Variants in DMD observed in about 807,000 individuals in gnomAD.
The protein encoded by DMD is mutant dystrophin.
Under a neutral mutation model 330.1 loss-of-function variants are expected in DMD, and 63 were observed. The observed-to-expected ratio is 0.19, with a 90% CI of 0.16 to 0.24. DMD has a LOEUF of 0.24. Ranked by LOEUF, DMD falls within the 10% of genes least tolerant of loss-of-function variation. The probability of loss-of-function intolerance (pLI) is 1.00; values close to 1 mark genes in which losing one functional copy is unlikely to be tolerated. For synonymous variants in DMD, 1,223 were observed against 959.8 expected, an observed-to-expected ratio of 1.27 and a Z score of -5.07; for missense variants, 3,344 against 2,684.1, an observed-to-expected ratio of 1.25 and a Z score of -5.43.
chrX:32,698,413 C>A (rs1401775093), intron 8 of DMD, among the ~76,000 whole-genome samples: 1 of 111,734 alleles, frequency 8.9e-6, no homozygotes, highest in Non-Finnish European at 1.9e-5. Context: ...AGAGCTAGCT[C>A]AGCAAAGTGA....
chrX:32,786,243 G>A (rs2075351604), intron 7 of DMD, among the ~76,000 whole-genome samples: 1 of 110,323 alleles, frequency 9.1e-6, no homozygotes, highest in African/African-American at 3.3e-5. Flanking sequence ...TTTTTATTTA[G>A]ACTTTCTCAG....
In DMD at chrX:32,899,673, C is replaced by CAA. The variant is rs755390925; in HGVS notation, c.94-49855_94-49854dup. Among the ~76,000 whole-genome samples, 226 of 42,620 alleles carry CAA rather than the reference C, an allele frequency of 5.3e-3. 6 individuals carry two copies. Among genetic ancestry groups the CAA allele is most frequent in the African/African-American group, 0.015 (179 of 11,697 alleles). 37.0% of individuals were successfully genotyped at this position (42,620 alleles called of 115,157 possible). On this transcript the variant is annotated intron_variant, in intron 2 of 78. Coordinates refer to ENST00000357033, the MANE Select transcript of DMD (RefSeq NM_004006.3). ...TGGACAACAGAGCAAGACTCCGTCTCAAAAAAAAAAAAAAAAGAAAGAAAA... is the reference window on the plus strand; with the variant it reads ...TGGACAACAGAGCAAGACTCCGTCTCAAAAAAAAAAAAAAAAAAGAAAGAAAA...
chrX:32,866,731 GGGT>G (rs2082522785), intron 2 of DMD, among the ~76,000 whole-genome samples: 1 of 33,377 alleles, frequency 3.0e-5, no homozygotes, highest in African/African-American at 1.1e-4. Flanking sequence ...TTTTGGGGGG[GGGT>G]GGGGGGGTGG....
chrX:31,849,948 A>T (rs2093493415), intron 48 of DMD, among the ~76,000 whole-genome samples: 1 of 111,078 alleles, frequency 9.0e-6, no homozygotes, highest in Non-Finnish European at 1.9e-5. Flanking sequence ...TTACATAGGT[A>T]AACTTGTGTC....
intron 45 of DMD, among the ~76,000 whole-genome samples, chrX:31,966,038 C>T (rs1193805272): frequency 9.0e-6 from 1 of 111,347 alleles, no homozygotes; most frequent in Non-Finnish European, 1.9e-5. Flanking sequence ...TCATTGATGT[C>T]CCTGGACTAA....
intron 57 of DMD, among the ~76,000 whole-genome samples, chrX:31,488,898 C>T (rs759191855): frequency 4.3e-4 from 48 of 111,774 alleles, no homozygotes; most frequent in Middle Eastern, 4.2e-3. Context: ...TGTCTCTTTA[C>T]TCACAGAATA....
At position 32,122,429 on chromosome X, in the gene DMD, A is replaced by G. The variant is rs975595424; in HGVS notation, c.6438+94487T>C. On this transcript the variant is annotated intron_variant, in intron 44 of 78. Coordinates refer to ENST00000357033, the MANE Select transcript of DMD (RefSeq NM_004006.3). ...GACTTTGGTATAATTACCAGTCACAATCTAGGTCTTCACACACAGACACTG... is the reference window on the plus strand; with the variant it reads ...GACTTTGGTATAATTACCAGTCACAGTCTAGGTCTTCACACACAGACACTG... Among the ~76,000 whole-genome samples the G allele has an allele frequency of 6.3e-5, 7 of 111,893 alleles. No individual in the cohort carries two copies. The South Asian group carries it at 2.6e-3, about 41-fold the overall frequency.
At chrX:32,438,097 T>A (rs368961992) in intron 29 of DMD, 144 bp downstream of exon 29, 2 of 606,083 alleles carry the variant, frequency 3.3e-6, no homozygotes. Context: ...TGTAAAGAAT[T>A]TACCCAGTGT....
At chrX:31,143,491 G>A (rs987704544) in intron 76 of DMD, among the ~76,000 whole-genome samples, 2 of 111,842 alleles carry the variant, frequency 1.8e-5, no homozygotes, top group African/African-American at 6.5e-5. Flanking sequence ...GTTCTTTATA[G>A]CAGTGTGAAA....
chrX:32,215,691 A>G lies in DMD; in HGVS notation c.6438+1225T>C, dbSNP rs1012963348. The stretch of plus-strand genomic sequence containing the variant: ...CTATATCTACCCCAAAACATTTTAT[A>G]TAACTCTAATATGTTTCTGCCTCTC... On this transcript the variant is annotated intron_variant, in intron 44 of 78. Coordinates refer to ENST00000357033, the MANE Select transcript of DMD (RefSeq NM_004006.3). Among the ~76,000 whole-genome samples the G allele has an allele frequency of 8.0e-5, 9 of 111,842 alleles. No homozygotes were observed. The South Asian group carries it at 3.3e-3, about 41-fold the overall frequency.
chrX:32,816,714 T>C, intron 5 of DMD, 74 bp from the exon 6 acceptor site: 1 of 1,009,965 alleles, frequency 9.9e-7, no homozygotes, highest in Admixed American at 2.2e-5. Flanking sequence ...AATATGAATG[T>C]CCTTGATCTT....
chrX:31,565,863 A>C (rs1197165712), intron 55 of DMD, among the ~76,000 whole-genome samples: 1 of 112,363 alleles, frequency 8.9e-6, no homozygotes, highest in East Asian at 2.8e-4. Flanking sequence ...CTAATGGCTA[A>C]TGTTTTTGAT....
chrX:32,689,888 G>T (rs1414728990), intron 9 of DMD, among the ~76,000 whole-genome samples: 2 of 110,282 alleles, frequency 1.8e-5, no homozygotes, highest in Non-Finnish European at 3.8e-5. Flanking sequence ...CAACAAACTA[G>T]GAATAGAAGG....
intron 13 of DMD, among the ~76,000 whole-genome samples, chrX:32,593,251 T>A (rs2055140240): frequency 8.9e-6 from 1 of 112,782 alleles, no homozygotes; most frequent in African/African-American, 3.2e-5. Flanking sequence ...CTCCAATGTA[T>A]GATTTAGATC....
intron 2 of DMD, among the ~76,000 whole-genome samples, chrX:32,879,415 C>T (rs1252477844): frequency 1.8e-5 from 2 of 111,920 alleles, no homozygotes; most frequent in Non-Finnish European, 3.8e-5. Context: ...GTTAGACAAC[C>T]TCTGCTATGC....
chrX:32,000,432 C>T (rs186078054), intron 44 of DMD, among the ~76,000 whole-genome samples: 9 of 111,687 alleles, frequency 8.1e-5, no homozygotes, highest in African/African-American at 9.7e-5. Context: ...TAGGTCCCAT[C>T]GAAAATTGCC....
At chrX:31,883,806 C>T (rs953966106) in intron 47 of DMD, among the ~76,000 whole-genome samples, 3 of 110,025 alleles carry the variant, frequency 2.7e-5, no homozygotes, top group South Asian at 3.8e-4. Context: ...GCATATTTTA[C>T]ATATCAGTAT....
intron 60 of DMD, among the ~76,000 whole-genome samples, chrX:31,394,964 C>CGAGAGAGAGAGAGAGAGAGA (rs2060856321): frequency 2.9e-5 from 1 of 33,904 alleles, no homozygotes; most frequent in Non-Finnish European, 5.6e-5. Context: ...AGAGAGAGAC[C>CGAGAGAGAGAGAGAGAGAGA]AAGTGTGGTG....
chrX:31,250,978 A>T (rs2147474628), intron 63 of DMD, among the ~76,000 whole-genome samples: 1 of 109,168 alleles, frequency 9.2e-6, no homozygotes, highest in Non-Finnish European at 1.9e-5. Context: ...GCTACTCGGG[A>T]GGCTGAGGCA....
Sources: gnomAD v4.1 joint callset for allele counts (sites outside exome capture counted in the v4.1 genomes callset) on GRCh38, gnomAD v4.1.1 for gene constraint, MANE v1.5 for transcripts, NCBI Gene and HGNC (gene_info 2026-07-23, HGNC 2026-07-21) for gene names.